Variants in NBPF15 observed in about 807,000 individuals in gnomAD.
The protein encoded by NBPF15 is NBPF member 15.
NBPF15 carries 74 observed loss-of-function variants against 62.2 expected under a neutral mutation model. The observed-to-expected ratio is 1.19, with a 90% CI of 0.99 to 1.44. The LOEUF (loss-of-function observed/expected upper bound fraction) is 1.44. Among genes scored for constraint, NBPF15 ranks in the 40% most tolerant of loss-of-function variants. NBPF15 has a pLI of 0.00. For missense variants in NBPF15, 790 were observed against 550.0 expected (o/e 1.44, Z -4.36); for synonymous variants, 244 against 209.7 (o/e 1.16, Z -1.41).
intron 4 of NBPF15, among the ~76,000 whole-genome samples, chr1:144,451,439 G>C (rs1691075511): frequency 1.3e-5 from 2 of 151,076 alleles, no homozygotes; most frequent in African/African-American, 4.9e-5. Flanking sequence ...CCTCAGCACA[G>C]ACCCTTTACG....
At chr1:144,450,486 A>G (rs1553545211) in intron 5 of NBPF15, among the ~76,000 whole-genome samples, 1 of 151,636 alleles carries the variant, frequency 6.6e-6, no homozygotes, top group Non-Finnish European at 1.5e-5. Context: ...TCTGTAGTGA[A>G]CCTGGAAAAA....
chr1:144,455,632 G>A (rs1262132906), intron 4 of NBPF15, among the ~76,000 whole-genome samples: 3 of 152,018 alleles, frequency 2.0e-5, no homozygotes, highest in East Asian at 1.9e-4. Flanking sequence ...GCAGGTGGGG[G>A]CCTCAGCCCC....
chr1:144,427,960 C>T lies in NBPF15; in HGVS notation c.1071G>A (p.Glu357=), dbSNP rs1553539635. The change falls in exon 16 of 22, where the codon GAG becomes GAA. Residue 357 remains glutamate (E), a synonymous_variant. Transcript: ENST00000581897. ...RLSRELLDEK[E]PEVLQDSLDR... is the part of the protein sequence containing the mutation. The stretch of plus-strand genomic sequence containing the variant: ...CCAGTGAGTCCTGCAAGACTTCAGG[C>T]TCTTTCTCATCCAGCAGCTCCCTGC... 5.1e-6 allele frequency: 4 copies of T among 782,884 alleles called. No homozygotes were observed. Among genetic ancestry groups the T allele is most frequent in the African/African-American group, 1.7e-5 (1 of 58,718 alleles). The allele number at this position is 782,884 out of a possible 1,614,324, so 48.5% of individuals were successfully genotyped here.
chr1:144,429,476 G>A (rs1571115919), intron 14 of NBPF15, among the ~76,000 whole-genome samples: 1 of 150,560 alleles, frequency 6.6e-6, no homozygotes, highest in East Asian at 1.9e-4. Flanking sequence ...AGTCCAGGTT[G>A]GCACGGGCAT....
rs1451749687 is a variant in NBPF15 at position 144,426,558 on chromosome 1, C to T, written c.1266-108G>A. 180 of 730,998 alleles carry T rather than the reference C, an allele frequency of 2.5e-4. 1 individual carries two copies. The highest frequency in any genetic ancestry group is 3.5e-4 in the Admixed American group (18 of 51,272). 45.3% of individuals were successfully genotyped at this position (730,998 alleles called of 1,614,324 possible). On this transcript the variant is annotated intron_variant, in intron 17 of 21. Coordinates refer to ENST00000581897, the MANE Select transcript of NBPF15 (RefSeq NM_001385408.1). ...AGGAACTGTTTAAAAAGAAAAAGGA[C>T]GGATCCATTAATGAGGTAATGAATT...
At chr1:144,450,894 T>C (rs1232534847) in intron 4 of NBPF15, 24 bp from the exon 5 acceptor site, 1 of 467,304 alleles carries the variant, frequency 2.1e-6, no homozygotes, top group Non-Finnish European at 2.8e-6. Context: ...AATGGTTCAG[T>C]GAAGGGATGG....
chr1:144,426,575 T>A, intron 17 of NBPF15, 125 bp from the exon 18 acceptor site: 1 of 714,794 alleles, frequency 1.4e-6, no homozygotes, highest in South Asian at 1.5e-5. Flanking sequence ...ATTAATGAGG[T>A]AATGAATTAT....
chr1:144,436,518 T>C (rs1678499373), intron 10 of NBPF15, among the ~76,000 whole-genome samples: 1 of 151,960 alleles, frequency 6.6e-6, no homozygotes, highest in Non-Finnish European at 1.5e-5. Context: ...GGACAAGTCA[T>C]TCACTCTCTG....
At chr1:144,444,783 G>C (rs1403781663) in intron 6 of NBPF15, among the ~76,000 whole-genome samples, 1 of 151,870 alleles carries the variant, frequency 6.6e-6, no homozygotes, top group Admixed American at 6.6e-5. Flanking sequence ...TTCCTCCCCA[G>C]TTCATCTGTG....
intron 16 of NBPF15, 148 bp from the exon 17 acceptor site, chr1:144,427,246 C>T (rs1237339372): frequency 4.6e-6 from 3 of 649,330 alleles, no homozygotes; most frequent in Non-Finnish European, 8.2e-6. Flanking sequence ...GGCCTGAAGG[C>T]TGATCACCAT....
intron 4 of NBPF15, among the ~76,000 whole-genome samples, chr1:144,453,823 C>T (rs587671119): frequency 2.1e-4 from 29 of 136,456 alleles, no homozygotes; most frequent in Admixed American, 3.7e-4. Flanking sequence ...GTGAACACAC[C>T]AAATGCTGTC....
At chr1:144,443,398 C>T (rs1456128060) in intron 6 of NBPF15, among the ~76,000 whole-genome samples, 3 of 151,682 alleles carry the variant, frequency 2.0e-5, no homozygotes, top group Non-Finnish European at 4.4e-5. Flanking sequence ...GTAAGTCCTC[C>T]AACTTATTGC....
chr1:144,423,133 C>A lies in NBPF15; in HGVS notation c.1893G>T (p.Val631=), dbSNP rs782407041. 6.2e-7 allele frequency: 1 copy of A among 1,611,586 alleles called. No homozygotes were observed. Among genetic ancestry groups the A allele is most frequent in the South Asian group, 1.1e-5 (1 of 90,976 alleles). The change falls in exon 22 of 22, where the codon GTG becomes GTT. Residue 631 remains valine (V), a synonymous_variant. Transcript: ENST00000581897. Reference sequence around the variant, plus strand: ...TATGCTCTTCCTCAAATGAGTAAAACACACTTCTGTAGTGCTGGAATGAGT... The same window carrying A: ...TATGCTCTTCCTCAAATGAGTAAAAAACACTTCTGTAGTGCTGGAATGAGT... ...QPDSFQHYRS[V]FYSFEEEHIS...
chr1:144,429,208 G>C (rs1274994613), intron 14 of NBPF15, among the ~76,000 whole-genome samples: 1 of 150,504 alleles, frequency 6.6e-6, no homozygotes, highest in Non-Finnish European at 1.5e-5. Flanking sequence ...AGCGCACTTA[G>C]AAGACACAGA....
At chr1:144,442,190 C>T (rs1479864866) in intron 6 of NBPF15, among the ~76,000 whole-genome samples, 2 of 95,808 alleles carry the variant, frequency 2.1e-5, no homozygotes, top group African/African-American at 9.0e-5. Flanking sequence ...AATATATATA[C>T]ACGTGTATAT....
intron 21 of NBPF15, 112 bp downstream of exon 21, chr1:144,423,758 G>T (rs1375421618): frequency 5.7e-6 from 4 of 705,672 alleles, no homozygotes; most frequent in Non-Finnish European, 1.0e-5. Flanking sequence ...ATGACAGTAG[G>T]AGTAATTCAG....
At chr1:144,459,927 C>T (rs1375198463) in intron 2 of NBPF15, among the ~76,000 whole-genome samples, 1 of 150,008 alleles carries the variant, frequency 6.7e-6, no homozygotes, top group African/African-American at 2.5e-5. Flanking sequence ...TCATATACCT[C>T]TAAAACCAAC....
chr1:144,437,286 C>T (rs1490802390), intron 9 of NBPF15, among the ~76,000 whole-genome samples, 177 bp from the exon 10 acceptor site: 3 of 151,660 alleles, frequency 2.0e-5, no homozygotes, highest in African/African-American at 7.3e-5. Context: ...TTACAGGCTT[C>T]CTCTGTATCA....
intron 6 of NBPF15, among the ~76,000 whole-genome samples, chr1:144,447,243 T>C (rs1553544386): frequency 1.3e-5 from 2 of 152,172 alleles, no homozygotes; most frequent in Non-Finnish European, 2.9e-5. Context: ...ACGCCGCTGT[T>C]CCCCTCACCC....
Sources: gnomAD v4.1 joint callset for allele counts (sites outside exome capture counted in the v4.1 genomes callset) on GRCh38, gnomAD v4.1.1 for gene constraint, MANE v1.5 for transcripts, NCBI Gene and HGNC (gene_info 2026-07-23, HGNC 2026-07-21) for gene names.